The following WWOX variants were observed in gnomAD, a reference collection of about 807,000 sequenced individuals.
WWOX encodes WW domain containing oxidoreductase.
WWOX carries 69 observed loss-of-function variants against 46.2 expected under a neutral mutation model. The ratio of observed to expected loss-of-function variants is 1.49; its 90% CI spans 1.23 to 1.82. The LOEUF (loss-of-function observed/expected upper bound fraction) is 1.82, where lower values mean the gene tolerates loss of function less well. Ranked by LOEUF, WWOX falls within the 40% of genes most tolerant of loss-of-function variation. The pLI is 0.00. For synonymous variants in WWOX, 359 were observed against 202.6 expected (o/e 1.77, Z -6.56); for missense variants, 919 against 542.6 (o/e 1.69, Z -6.89).
intron 8 of WWOX, among the ~76,000 whole-genome samples, chr16:78,528,960 CTTTT>C (rs371609463): frequency 0.057 from 7,177 of 126,758 alleles, 325 homozygotes; most frequent in South Asian, 0.2. Context: ...TTCTTTCTTT[CTTTT>C]TTTTTTTTAG....
chr16:78,718,531 A>G (rs1326106967), intron 8 of WWOX, among the ~76,000 whole-genome samples: 1 of 152,114 alleles, frequency 6.6e-6, no homozygotes, highest in Non-Finnish European at 1.5e-5. Context: ...AGTCAGAAAA[A>G]TTTATCTTTT....
intron 8 of WWOX, among the ~76,000 whole-genome samples, chr16:79,041,580 T>G (rs906247513): frequency 2.2e-4 from 33 of 151,968 alleles, no homozygotes. Flanking sequence ...GGTGAATAAG[T>G]CTGGTTGGCC....
intron 5 of WWOX, among the ~76,000 whole-genome samples, chr16:78,198,482 A>T (rs924596804): frequency 6.6e-6 from 1 of 152,124 alleles, no homozygotes; most frequent in Non-Finnish European, 1.5e-5. Context: ...TCCTTCAATA[A>T]ATACTGATGG....
intron 3 of WWOX, among the ~76,000 whole-genome samples, chr16:78,111,503 GCTCCTTGGTCAAGCGGTAACGCCAGTGT>G (rs1223080722): frequency 6.6e-6 from 1 of 152,176 alleles, no homozygotes; most frequent in Non-Finnish European, 1.5e-5. Flanking sequence ...CTGCTTGAGG[GCTCCTTGGTCAAGCGGTAACGCCAGTGT>G]CTGGGAAGAC....
chr16:78,282,342 A>C (rs571229994), intron 5 of WWOX, among the ~76,000 whole-genome samples: 1 of 152,274 alleles, frequency 6.6e-6, no homozygotes, highest in East Asian at 1.9e-4. Flanking sequence ...AGACATCAGG[A>C]GGGGATCTTT....
chr16:78,710,897 G>T (rs2048431209), intron 8 of WWOX, among the ~76,000 whole-genome samples: 1 of 152,092 alleles, frequency 6.6e-6, no homozygotes, highest in Non-Finnish European at 1.5e-5. Flanking sequence ...GATTACAGGT[G>T]TGAGCCACCA....
chr16:78,221,430 A>C (rs759819759), intron 5 of WWOX, among the ~76,000 whole-genome samples: 15 of 152,164 alleles, frequency 9.9e-5, no homozygotes, highest in Non-Finnish European at 1.5e-4. Context: ...ACGTTACTTT[A>C]ATTGTGTACT....
intron 8 of WWOX, among the ~76,000 whole-genome samples, chr16:78,813,353 G>T (rs111687657): frequency 6.6e-6 from 1 of 151,734 alleles, no homozygotes; most frequent in African/African-American, 2.4e-5. Context: ...AGTCCAAGAA[G>T]CCTGCTTTTC....
At chr16:78,755,657 G>A (rs2049626012) in intron 8 of WWOX, among the ~76,000 whole-genome samples, 1 of 152,158 alleles carries the variant, frequency 6.6e-6, no homozygotes. Context: ...GCCTTGGTTG[G>A]GGAGAGGAAG....
At position 78,432,682 on chromosome 16, in the gene WWOX, C is replaced by T. The variant is rs1273912627; in HGVS notation, c.986C>T (p.Ser329Phe). The T allele has an allele frequency of 8.1e-6, 13 of 1,614,188 alleles. No individual in the cohort carries two copies. Among genetic ancestry groups the T allele is most frequent in the Non-Finnish European group, 1.0e-5 (12 of 1,180,032 alleles). ...NAVHPGNMMYSNIHRSWWVYT... is the reference protein window; with the variant it reads ...NAVHPGNMMYFNIHRSWWVYT... ...GTGCATCCTGGAAATATGATGTACT[C>T]CAACATTCATCGCAGCTGGTGGGTG... is the stretch of plus-strand genomic sequence containing the variant. The change falls in exon 8 of 9, where the codon TCC (serine) becomes TTC (phenylalanine). Residue 329 changes from serine to phenylalanine, a missense_variant. Transcript: ENST00000566780.
At chr16:79,130,630 T>G (rs2049857730) in intron 8 of WWOX, among the ~76,000 whole-genome samples, 1 of 152,230 alleles carries the variant, frequency 6.6e-6, no homozygotes, top group African/African-American at 2.4e-5. Flanking sequence ...ACTCCTATGC[T>G]GATCACTTAG....
At chr16:78,770,186 A>G (rs2050029947) in intron 8 of WWOX, among the ~76,000 whole-genome samples, 1 of 152,100 alleles carries the variant, frequency 6.6e-6, no homozygotes, top group Admixed American at 6.5e-5. Context: ...CCCCGTCTCT[A>G]CTAAAAATAC....
intron 8 of WWOX, among the ~76,000 whole-genome samples, chr16:78,839,823 C>G (rs771160312): frequency 1.3e-5 from 2 of 152,190 alleles, no homozygotes; most frequent in Non-Finnish European, 2.9e-5. Flanking sequence ...ACCGTCTCAT[C>G]ATCGTCTAGA....
chr16:78,762,273 A>C lies in WWOX; in HGVS notation c.1056+329521A>C, dbSNP rs182812185. On this transcript the variant is annotated intron_variant, in intron 8 of 8. Coordinates refer to ENST00000566780, the MANE Select transcript of WWOX (RefSeq NM_016373.4). ...CCTTTCATCCACCCTCTTGGTACTC[A>C]AAGCTTGGTCCATGAACCAGCAGCT... Among the ~76,000 whole-genome samples the C allele has an allele frequency of 5.2e-4, 79 of 152,272 alleles. 1 individual carries two copies. The highest frequency in any genetic ancestry group is 9.1e-4 in the Non-Finnish European group (62 of 68,026).
At chr16:78,621,332 C>T (rs1016560808) in intron 8 of WWOX, among the ~76,000 whole-genome samples, 1 of 152,092 alleles carries the variant, frequency 6.6e-6, no homozygotes, top group Non-Finnish European at 1.5e-5. Context: ...CCCCTACTCA[C>T]CACCCACCCA....
At chr16:78,426,100 GA>G (rs1158683019) in intron 7 of WWOX, among the ~76,000 whole-genome samples, 3 of 152,116 alleles carry the variant, frequency 2.0e-5, no homozygotes, top group Non-Finnish European at 4.4e-5. Context: ...TGGCTGAAAT[GA>G]AAGGTAAATG....
At chr16:79,039,618 G>A (rs993416587) in intron 8 of WWOX, among the ~76,000 whole-genome samples, 22 of 152,154 alleles carry the variant, frequency 1.4e-4, no homozygotes, top group Admixed American at 7.2e-4. Context: ...CCTTCCTACC[G>A]TAGGCTTCTT....
At chr16:78,134,161 G>T (rs561349375) in intron 4 of WWOX, among the ~76,000 whole-genome samples, 4 of 152,288 alleles carry the variant, frequency 2.6e-5, no homozygotes, top group African/African-American at 9.6e-5. Flanking sequence ...TCAAATATTA[G>T]CATTGGATTT....
chr16:78,928,289 G>A (rs868412447), intron 8 of WWOX, among the ~76,000 whole-genome samples: 1 of 146,732 alleles, frequency 6.8e-6, no homozygotes, highest in Non-Finnish European at 1.5e-5. Context: ...TGCAAGCTCC[G>A]CCTCCCGGGT....
Sources: gnomAD v4.1 joint callset for allele counts (sites outside exome capture counted in the v4.1 genomes callset) on GRCh38, gnomAD v4.1.1 for gene constraint, MANE v1.5 for transcripts, NCBI Gene and HGNC (gene_info 2026-07-23, HGNC 2026-07-21) for gene names.